Variants in GPC5 observed in about 807,000 individuals in gnomAD.
GPC5 encodes the protein glypican 5.
Under a neutral mutation model 53.9 loss-of-function variants are expected in GPC5, and 47 were observed. The observed-to-expected ratio is 0.87, with a 90% CI of 0.69 to 1.11. The LOEUF is 1.11. GPC5 is among the 50% of genes most tolerant of loss of function. GPC5 has a pLI of 0.00. For missense variants in GPC5, 748 were observed against 713.1 expected, an observed-to-expected ratio of 1.05 and a Z score of -0.56; for synonymous variants, 286 against 263.3, an observed-to-expected ratio of 1.09 and a Z score of -0.84.
At chr13:91,759,244 T>C (rs2037359297) in intron 5 of GPC5, among the ~76,000 whole-genome samples, 1 of 152,142 alleles carries the variant, frequency 6.6e-6, no homozygotes, top group East Asian at 1.9e-4. Context: ...TCATTTTTAA[T>C]TTTTATGTGT....
intron 5 of GPC5, among the ~76,000 whole-genome samples, chr13:91,867,690 G>A (rs913179860): frequency 6.6e-6 from 1 of 152,152 alleles, no homozygotes; most frequent in Non-Finnish European, 1.5e-5. Flanking sequence ...AGAGTGCTTT[G>A]TTATTGATTT....
At chr13:92,500,577 G>A (rs1416919783) in intron 7 of GPC5, among the ~76,000 whole-genome samples, 1 of 152,108 alleles carries the variant, frequency 6.6e-6, no homozygotes, top group Non-Finnish European at 1.5e-5. Context: ...TCTATCCTGA[G>A]GCTTTTGCAA....
chr13:92,711,691 TA>T (rs1331123439), intron 7 of GPC5, among the ~76,000 whole-genome samples: 1 of 151,944 alleles, frequency 6.6e-6, no homozygotes, highest in Non-Finnish European at 1.5e-5. Flanking sequence ...TCTTTGACCA[TA>T]AAAAACATCT....
At chr13:91,875,260 C>A (rs2039189577) in intron 5 of GPC5, among the ~76,000 whole-genome samples, 1 of 152,164 alleles carries the variant, frequency 6.6e-6, no homozygotes, top group African/African-American at 2.4e-5. Flanking sequence ...TGAGGCTTGA[C>A]AATTTCATAT....
intron 6 of GPC5, among the ~76,000 whole-genome samples, chr13:92,115,855 C>T (rs1434109481): frequency 6.6e-6 from 1 of 151,690 alleles, no homozygotes; most frequent in Non-Finnish European, 1.5e-5. Context: ...AATTCCAGTA[C>T]TCATAATGTT....
chr13:91,415,707 G>A lies in GPC5; in HGVS notation c.163+16498G>A, dbSNP rs530514779. The stretch of plus-strand genomic sequence containing the variant: ...AACAAAAGTTTTCATTTATAAAATA[G>A]GAATATTTTTCTACCTTGTAAAAGT... On this transcript the variant is annotated intron_variant, in intron 1 of 7. Transcript: ENST00000377067. Among the ~76,000 whole-genome samples, 9 of 130,102 alleles carry A rather than the reference G, an allele frequency of 6.9e-5. No homozygotes were observed. The Middle Eastern group carries it at 0.022, about 312-fold the overall frequency. 85.4% of individuals were successfully genotyped at this position (130,102 alleles called of 152,430 possible).
intron 7 of GPC5, among the ~76,000 whole-genome samples, chr13:92,670,220 T>C (rs113156594): frequency 0.015 from 2,210 of 152,070 alleles, 65 homozygotes; most frequent in African/African-American, 0.05. Flanking sequence ...ATCAAGGAAA[T>C]GGAGCTAAAT....
At chr13:91,467,397 T>C (rs1408452693) in intron 2 of GPC5, among the ~76,000 whole-genome samples, 1 of 152,170 alleles carries the variant, frequency 6.6e-6, no homozygotes, top group Non-Finnish European at 1.5e-5. Context: ...GGAAGTTAGC[T>C]TGGAGACATG....
At chr13:92,716,184 C>T (rs1463084318) in intron 7 of GPC5, among the ~76,000 whole-genome samples, 1 of 151,942 alleles carries the variant, frequency 6.6e-6, no homozygotes, top group Non-Finnish European at 1.5e-5. Context: ...CAATCTGGTG[C>T]TAATAATAAC....
chr13:91,640,075 C>T (rs1309442228), intron 2 of GPC5, among the ~76,000 whole-genome samples: 1 of 151,588 alleles, frequency 6.6e-6, no homozygotes, highest in East Asian at 1.9e-4. Context: ...AGCTAGCTTT[C>T]TGTTCTTTAA....
intron 7 of GPC5, among the ~76,000 whole-genome samples, chr13:92,782,269 C>G (rs922237613): frequency 6.6e-6 from 1 of 152,160 alleles, no homozygotes; most frequent in African/African-American, 2.4e-5. Context: ...AAATCTCCTT[C>G]TTGTGTCCTG....
At chr13:92,467,125 T>C (rs1878725203) in intron 7 of GPC5, among the ~76,000 whole-genome samples, 1 of 152,126 alleles carries the variant, frequency 6.6e-6, no homozygotes, top group Admixed American at 6.6e-5. Context: ...CAAGCCTTTC[T>C]CAAATGGCTT....
chr13:91,436,804 A>T (rs1346039414), intron 1 of GPC5, among the ~76,000 whole-genome samples: 1 of 152,092 alleles, frequency 6.6e-6, no homozygotes, highest in Non-Finnish European at 1.5e-5. Flanking sequence ...GTCTCCCATT[A>T]TTATTGTGTG....
intron 2 of GPC5, among the ~76,000 whole-genome samples, chr13:91,673,563 T>G (rs1212090778): frequency 6.6e-6 from 1 of 152,196 alleles, no homozygotes; most frequent in Non-Finnish European, 1.5e-5. Context: ...TGCCTTTAGA[T>G]GTAAGCTTCC....
intron 2 of GPC5, among the ~76,000 whole-genome samples, chr13:91,575,632 A>G (rs1421041599): frequency 3.9e-5 from 6 of 152,156 alleles, no homozygotes; most frequent in Non-Finnish European, 8.8e-5. Flanking sequence ...GTTTAATTCA[A>G]TAGCCTGCAG....
chr13:91,750,674 C>CTTTTTTTTTTTTTT (rs752907631), intron 4 of GPC5, among the ~76,000 whole-genome samples: 2 of 82,028 alleles, frequency 2.4e-5, no homozygotes, highest in African/African-American at 5.0e-5. Context: ...TAGGTAAGTC[C>CTTTTTTTTTTTTTT]TTTTTTTTTT....
At chr13:92,366,413 C>T (rs192635756) in intron 7 of GPC5, among the ~76,000 whole-genome samples, 1 of 151,670 alleles carries the variant, frequency 6.6e-6, no homozygotes, top group Non-Finnish European at 1.5e-5. Flanking sequence ...CAACTCAGTA[C>T]TAGGAGGAAT....
chr13:91,640,531 G>A (rs983629303), intron 2 of GPC5, among the ~76,000 whole-genome samples: 7 of 152,202 alleles, frequency 4.6e-5, no homozygotes, highest in Middle Eastern at 3.2e-3. Flanking sequence ...CTGTTGGTAG[G>A]AGTGTACATT....
At chr13:92,403,899 C>T (rs1566576225) in intron 7 of GPC5, among the ~76,000 whole-genome samples, 1 of 152,080 alleles carries the variant, frequency 6.6e-6, no homozygotes, top group Non-Finnish European at 1.5e-5. Context: ...AACACAAATA[C>T]ATATATTAGC....
Sources: gnomAD v4.1 joint callset for allele counts (sites outside exome capture counted in the v4.1 genomes callset) on GRCh38, gnomAD v4.1.1 for gene constraint, MANE v1.5 for transcripts, NCBI Gene and HGNC (gene_info 2026-07-23, HGNC 2026-07-21) for gene names.